Variants in WDPCP observed in about 807,000 individuals in gnomAD.
WDPCP encodes WD repeat containing planar cell polarity effector, also known as WD repeat-containing and planar cell polarity effector protein fritz homolog.
Under a neutral mutation model 93.1 loss-of-function variants are expected in WDPCP, and 71 were observed. The observed-to-expected ratio is 0.76, with a 90% CI of 0.63 to 0.93. The LOEUF (loss-of-function observed/expected upper bound fraction) is 0.93. Ranked by LOEUF, WDPCP falls within the 40% of genes least tolerant of loss-of-function variation. WDPCP has a pLI of 0.00. For synonymous variants in WDPCP, 315 were observed against 315.0 expected (o/e 1.00, Z 0.00); for missense variants, 844 against 887.4 (o/e 0.95, Z 0.62).
chr2:63,141,009 G>A (rs1165942610), intron 17 of WDPCP, among the ~76,000 whole-genome samples: 1 of 151,952 alleles, frequency 6.6e-6, no homozygotes, highest in Non-Finnish European at 1.5e-5. Flanking sequence ...TTTGCTGAGA[G>A]TTTTAATCAT....
intron 1 of WDPCP, among the ~76,000 whole-genome samples, chr2:63,566,802 T>C (rs1386429662): frequency 1.3e-5 from 2 of 152,228 alleles, no homozygotes; most frequent in East Asian, 1.9e-4. Context: ...TCCCATGTTG[T>C]TGCTGATACT....
At chr2:63,638,429 AATC>A (rs1175802425) in intron 3 of WDPCP, among the ~76,000 whole-genome samples, 1 of 152,174 alleles carries the variant, frequency 6.6e-6, no homozygotes, top group Non-Finnish European at 1.5e-5. Context: ...ACATATATCA[AATC>A]ATCATCTTGT....
At chr2:63,419,710 C>T (rs1032538072) in intron 9 of WDPCP, among the ~76,000 whole-genome samples, 1 of 152,038 alleles carries the variant, frequency 6.6e-6, no homozygotes, top group Non-Finnish European at 1.5e-5. Context: ...CAGAGATAGG[C>T]TTAAGATCCT....
rs770297313 is a variant in WDPCP, at chr2:63,529,610, G to A, written c.76-36670C>T. Among the ~76,000 whole-genome samples the A allele has an allele frequency of 7.9e-5, 12 of 152,120 alleles. No homozygotes were observed. The East Asian group carries it at 9.6e-4, about 12-fold the overall frequency. ...AGCTTTTTGATGTGCTGCTGGATTC[G>A]GTTTGCCAGTGTTTTATTGAGGATT... is the stretch of plus-strand genomic sequence containing the variant. On this transcript the variant is annotated intron_variant, in intron 1 of 17. Transcript: ENST00000272321.
chr2:63,468,398 G>C (rs1353046908), intron 6 of WDPCP, among the ~76,000 whole-genome samples: 2 of 152,144 alleles, frequency 1.3e-5, no homozygotes, highest in African/African-American at 4.8e-5. Context: ...AAATGTCAGA[G>C]AATACTTGGA....
Position 63,644,562 on chromosome 2 carries a change from A to G in WDPCP, n.488+6097T>C, listed in dbSNP as rs1710026358. Among the ~76,000 whole-genome samples, 4 of 152,020 alleles carry G rather than the reference A, an allele frequency of 2.6e-5. No individual in the cohort carries two copies. The South Asian group carries it at 8.3e-4, about 31-fold the overall frequency. On this transcript the variant is annotated intron_variant and non_coding_transcript_variant, in intron 3 of 4. Transcript: ENST00000467687. ...CGGCCTCCCTTCTCCTCTATTTTTT[A>G]GGATAGTTTTAGGAGGATTGGTATT...
intron 2 of WDPCP, among the ~76,000 whole-genome samples, chr2:63,748,492 A>C (rs993768309): frequency 2.6e-5 from 4 of 152,078 alleles, no homozygotes; most frequent in Non-Finnish European, 5.9e-5. Context: ...ATGATCATAT[A>C]AATTTTCTCC....
chr2:63,743,242 T>C (rs1669750853), intron 2 of WDPCP, among the ~76,000 whole-genome samples: 1 of 152,124 alleles, frequency 6.6e-6, no homozygotes, highest in African/African-American at 2.4e-5. Flanking sequence ...AGGTGGTATG[T>C]GCAGCCTGCT....
chr2:63,262,391 G>T (rs572951802), intron 13 of WDPCP, among the ~76,000 whole-genome samples: 2 of 152,206 alleles, frequency 1.3e-5, no homozygotes, highest in East Asian at 3.9e-4. Flanking sequence ...AATATATTCT[G>T]TAAAACTCAG....
At chr2:63,790,036 GC>G (rs1246639497) in intron 2 of WDPCP, among the ~76,000 whole-genome samples, 1 of 152,148 alleles carries the variant, frequency 6.6e-6, no homozygotes, top group Admixed American at 6.5e-5. Context: ...TTTCTAGATT[GC>G]TTCATCAAGT....
At chr2:63,347,822 C>T (rs529432623) in intron 12 of WDPCP, among the ~76,000 whole-genome samples, 1 of 151,844 alleles carries the variant, frequency 6.6e-6, no homozygotes, top group Non-Finnish European at 1.5e-5. Flanking sequence ...TAATGCCAGC[C>T]CCCTCTTTGA....
intron 2 of WDPCP, among the ~76,000 whole-genome samples, chr2:63,792,743 GGGTTT>G (rs1410631831): frequency 2.0e-5 from 3 of 152,114 alleles, no homozygotes; most frequent in Non-Finnish European, 2.9e-5. Context: ...AATTAAGTAG[GGGTTT>G]CTCATCATGG....
chr2:63,566,460 T>A (rs1201251895), intron 1 of WDPCP, among the ~76,000 whole-genome samples: 1 of 152,182 alleles, frequency 6.6e-6, no homozygotes, highest in Non-Finnish European at 1.5e-5. Context: ...ATGTCTCATG[T>A]CTCCCTAAAT....
intron 2 of WDPCP, among the ~76,000 whole-genome samples, chr2:63,658,922 C>T (rs74607611): frequency 7.9e-5 from 12 of 152,198 alleles, no homozygotes; most frequent in East Asian, 7.7e-4. Context: ...GGACTTTCGT[C>T]GTCTTGATTT....
chr2:63,602,336 G>C (rs1709435172), intron 3 of WDPCP, among the ~76,000 whole-genome samples: 1 of 135,790 alleles, frequency 7.4e-6, no homozygotes, highest in African/African-American at 2.8e-5. Context: ...CTTTTCGGTT[G>C]GTTGGTTGGG....
At chr2:63,279,936 C>A (rs1041880829) in intron 13 of WDPCP, among the ~76,000 whole-genome samples, 1 of 152,000 alleles carries the variant, frequency 6.6e-6, no homozygotes, top group Admixed American at 6.5e-5. Flanking sequence ...GGTGAAAGAC[C>A]TCCACAAGGA....
intron 11 of WDPCP, among the ~76,000 whole-genome samples, chr2:63,379,255 G>C (rs910304929): frequency 6.6e-6 from 1 of 152,124 alleles, no homozygotes; most frequent in African/African-American, 2.4e-5. Flanking sequence ...GTGAGAGTAA[G>C]AGTATGTACG....
At chr2:63,267,389 T>C (rs1293964619) in intron 13 of WDPCP, among the ~76,000 whole-genome samples, 1 of 152,184 alleles carries the variant, frequency 6.6e-6, no homozygotes, top group African/African-American at 2.4e-5. Flanking sequence ...ACTTGAAACT[T>C]GAGGAGGAGG....
intron 3 of WDPCP, among the ~76,000 whole-genome samples, chr2:63,633,462 G>A (rs560852430): frequency 5.9e-5 from 9 of 152,178 alleles, no homozygotes; most frequent in Admixed American, 5.9e-4. Context: ...ATAAAATGGA[G>A]GCGAGTAAAA....
Sources: gnomAD v4.1 joint callset for allele counts (sites outside exome capture counted in the v4.1 genomes callset) on GRCh38, gnomAD v4.1.1 for gene constraint, MANE v1.5 for transcripts, NCBI Gene and HGNC (gene_info 2026-07-23, HGNC 2026-07-21) for gene names.